SMURF1: variants seen among roughly 807,000 people sequenced by gnomAD.
SMURF1 encodes SMAD specific E3 ubiquitin protein ligase 1.
A neutral mutation model predicts 98.0 loss-of-function variants in SMURF1; 44 were observed. The observed-to-expected ratio is 0.45, with a 90% CI of 0.35 to 0.58. The LOEUF (loss-of-function observed/expected upper bound fraction) is 0.58. SMURF1 is among the 20% of genes least tolerant of loss of function. The probability of loss-of-function intolerance (pLI) is 0.00; values close to 1 mark genes in which losing one functional copy is unlikely to be tolerated. For synonymous variants in SMURF1, 396 were observed against 374.9 expected, an observed-to-expected ratio of 1.06 and a Z score of -0.65; for missense variants, 687 against 938.4, an observed-to-expected ratio of 0.73 and a Z score of 3.50.
chr7:99,061,703 C>G, intron 2 of SMURF1, 96 bp downstream of exon 2: 1 of 952,564 alleles, frequency 1.0e-6, no homozygotes, highest in Non-Finnish European at 1.5e-6. Context: ...AAGGGCAAAA[C>G]TTTGAAGAGA....
chr7:99,086,232 G>C (rs1411546428), intron 1 of SMURF1, among the ~76,000 whole-genome samples: 1 of 152,082 alleles, frequency 6.6e-6, no homozygotes, highest in Non-Finnish European at 1.5e-5. Context: ...TGTAATCCCA[G>C]CTATTCGGGA....
At position 99,045,752 on chromosome 7, in the gene SMURF1, C is replaced by T. The variant is rs969256862; in HGVS notation, c.1202G>A (p.Arg401Gln). 4 of 1,614,194 alleles carry T rather than the reference C, an allele frequency of 2.5e-6. No homozygotes were observed. The highest frequency in any genetic ancestry group is 3.4e-6 in the Non-Finnish European group (4 of 1,180,024). ...TTCCCCACGGAATTTCACCATCAGC[C>T]GTTTTTTCAAGTCTTTCGGTCGCAT... Reference protein sequence around the residue: ...MKMRPKDLKKRLMVKFRGEEG... With the variant: ...MKMRPKDLKKQLMVKFRGEEG... The change falls in exon 11 of 18, where the codon CGG becomes CAG. Residue 401 changes from arginine (R) to glutamine (Q), a missense_variant. Arg to Gln is a conservative substitution (Grantham distance 43). Transcript: ENST00000361368.
chr7:99,117,424 C>T (rs905397582), intron 1 of SMURF1, among the ~76,000 whole-genome samples: 1 of 152,220 alleles, frequency 6.6e-6, no homozygotes, highest in African/African-American at 2.4e-5. Flanking sequence ...TCTCAGCTCA[C>T]TGCAACCTCC....
chr7:99,038,083 C>T (rs1795221476), intron 14 of SMURF1, among the ~76,000 whole-genome samples: 1 of 152,122 alleles, frequency 6.6e-6, no homozygotes, highest in South Asian at 2.1e-4. Context: ...GAGAGACCCT[C>T]CAAGCTGCTG....
In SMURF1 at chr7:99,029,811, A is replaced by G. The variant is rs960056133; in HGVS notation, c.*773T>C. Reference sequence around the variant, plus strand: ...TCTGCTCTTTCCTACACTCCATGACATGGTGTTTTCACTGAAAAAAAAGTC... The same window carrying G: ...TCTGCTCTTTCCTACACTCCATGACGTGGTGTTTTCACTGAAAAAAAAGTC... On this transcript the variant is annotated 3_prime_UTR_variant, in exon 18 of 18. Coordinates refer to ENST00000361368, the MANE Select transcript of SMURF1 (RefSeq NM_181349.3). 6.6e-6 allele frequency: 1 copy of G among 152,146 alleles called. No homozygotes were observed. The highest frequency in any genetic ancestry group is 2.4e-5 in the African/African-American group (1 of 41,418). The allele number at this position is 152,146 out of a possible 1,614,324, so 9.4% of individuals were successfully genotyped here. A position where few individuals can be genotyped will look rare whatever the true frequency, so the allele number is the denominator to read the frequency against.
rs1798216855 is a variant in SMURF1, at chr7:99,144,035, C to T, written c.-255G>A. ...TCCCGAGCCGCCGCCGCCTCCGCCG[C>T]CGCCTCCGCCGCCTCCACCACCTCA... On this transcript the variant is annotated 5_prime_UTR_variant, in exon 1 of 18. Transcript: ENST00000361368. 8.0e-6 allele frequency: 2 copies of T among 248,940 alleles called. No homozygotes were observed. The highest frequency in any genetic ancestry group is 2.3e-5 in the African/African-American group (1 of 43,536). 15.4% of individuals were successfully genotyped at this position (248,940 alleles called of 1,614,324 possible). A position where few individuals can be genotyped will look rare whatever the true frequency, so the allele number is the denominator to read the frequency against.
chr7:99,061,524 A>T (rs1463752169), intron 2 of SMURF1, among the ~76,000 whole-genome samples: 2 of 152,226 alleles, frequency 1.3e-5, no homozygotes, highest in Non-Finnish European at 2.9e-5. Flanking sequence ...GCAGAAAGCA[A>T]TATTCTAATA....
chr7:99,122,594 A>G lies in SMURF1; in HGVS notation c.55+21132T>C, dbSNP rs1267894357. ...GGGAGGCAGATGTTGCAGTGAGTCA[A>G]GATGGCACCATTGCACTCCAGCCTG... is the stretch of plus-strand genomic sequence containing the variant. On this transcript the variant is annotated intron_variant, in intron 1 of 17. Transcript: ENST00000361368. Among the ~76,000 whole-genome samples the G allele has an allele frequency of 2.6e-5, 4 of 151,028 alleles. No homozygotes were observed. The East Asian group carries it at 7.8e-4, about 29-fold the overall frequency.
chr7:99,060,583 A>T lies in SMURF1; in HGVS notation c.203+16T>A. ...TCCTGCCGCTCCGCATGGGGCTTACAGAACATTCAACTCACAGATCATAGT... is the reference window on the plus strand; with the variant it reads ...TCCTGCCGCTCCGCATGGGGCTTACTGAACATTCAACTCACAGATCATAGT... On this transcript the variant is annotated intron_variant, in intron 3 of 17. Coordinates refer to ENST00000361368, the MANE Select transcript of SMURF1 (RefSeq NM_181349.3). 1 of 1,597,844 alleles carries T rather than the reference A, an allele frequency of 6.3e-7. No individual in the cohort carries two copies. The highest frequency in any genetic ancestry group is 8.6e-7 in the Non-Finnish European group (1 of 1,165,800).
chr7:99,057,450 G>A lies in SMURF1; in HGVS notation c.305C>T (p.Ser102Phe). ...AGFLGCVRLL[S>F]NAISRLKDTG... The stretch of plus-strand genomic sequence containing the variant: ...ATCTTTTAATCTGCTGATGGCATTG[G>A]AGAGCAGCCGCACACAGCCCAGGAA... The change falls in exon 4 of 18, where the codon TCC becomes TTC. Residue 102 changes from serine (S) to phenylalanine (F), a missense_variant. Ser to Phe is a radical substitution (Grantham distance 155). Around this residue, in one of 2 missense-constraint regions of SMURF1, gnomAD observed 415 missense variants for 508.4 expected, o/e 0.82. Coordinates refer to ENST00000361368, the MANE Select transcript of SMURF1 (RefSeq NM_181349.3). 6.2e-7 allele frequency: 1 copy of A among 1,608,650 alleles called. No homozygotes were observed. Among genetic ancestry groups the A allele is most frequent in the Non-Finnish European group, 8.5e-7 (1 of 1,178,776 alleles).
intron 1 of SMURF1, among the ~76,000 whole-genome samples, chr7:99,105,892 G>C (rs755593659): frequency 2.3e-4 from 35 of 152,192 alleles, no homozygotes; most frequent in Non-Finnish European, 4.1e-4. Flanking sequence ...ATTTTGCCAA[G>C]TGCTATTCTA....
intron 1 of SMURF1, among the ~76,000 whole-genome samples, chr7:99,101,397 G>A (rs1425455259): frequency 3.3e-5 from 5 of 152,056 alleles, no homozygotes; most frequent in African/African-American, 1.2e-4. Context: ...AAAAAAGAAT[G>A]TTCCATTCAT....
At chr7:99,071,879 C>T (rs1796332012) in intron 1 of SMURF1, among the ~76,000 whole-genome samples, 1 of 151,590 alleles carries the variant, frequency 6.6e-6, no homozygotes, top group Non-Finnish European at 1.5e-5. Context: ...TTGGAGACCA[C>T]CCCTGAGCAA....
At chr7:99,031,512 G>T (rs1313617149) in intron 17 of SMURF1, 1 of 152,218 alleles carries the variant, frequency 6.6e-6, no homozygotes, top group Non-Finnish European at 1.5e-5. Context: ...TGGGTTCCAG[G>T]GCGGGCACTC....
At chr7:99,084,142 C>T (rs1479612265) in intron 1 of SMURF1, among the ~76,000 whole-genome samples, 2 of 152,240 alleles carry the variant, frequency 1.3e-5, no homozygotes, top group Admixed American at 1.3e-4. Flanking sequence ...CAGGTTACTG[C>T]TCAAATCCTA....
intron 1 of SMURF1, among the ~76,000 whole-genome samples, chr7:99,069,588 C>G (rs774365902): frequency 3.9e-5 from 6 of 152,152 alleles, no homozygotes; most frequent in Non-Finnish European, 7.4e-5. Context: ...TCAAACTGAG[C>G]TTAAGCAATC....
chr7:99,124,752 T>C (rs945815706), intron 1 of SMURF1, among the ~76,000 whole-genome samples: 4 of 151,904 alleles, frequency 2.6e-5, no homozygotes, highest in African/African-American at 9.7e-5. Flanking sequence ...TAAGAAAGCA[T>C]GTTACAATAA....
At chr7:99,087,676 G>A (rs1166240284) in intron 1 of SMURF1, among the ~76,000 whole-genome samples, 1 of 152,112 alleles carries the variant, frequency 6.6e-6, no homozygotes, top group Admixed American at 6.5e-5. Context: ...AAGGCTGATC[G>A]CTTCTGCCGC....
chr7:99,127,100 G>A (rs1797762919), intron 1 of SMURF1, among the ~76,000 whole-genome samples: 1 of 152,166 alleles, frequency 6.6e-6, no homozygotes, highest in African/African-American at 2.4e-5. Context: ...CCCGAAGTGG[G>A]ACAACTCACT....
Sources: allele counts gnomAD v4.1 joint callset (sites outside exome capture counted in the v4.1 genomes callset), GRCh38; gene constraint gnomAD v4.1.1; regional missense constraint gnomAD v4.1.1; transcripts MANE v1.5; gene names NCBI Gene and HGNC (gene_info 2026-07-23, HGNC 2026-07-21).